GAREM1: variants seen among roughly 807,000 people sequenced by gnomAD.
The protein encoded by GAREM1 is GRB2-associated and regulator of MAPK protein 1.
In GAREM1, 26 loss-of-function variants were observed where a neutral mutation model predicts 71.3. The observed-to-expected ratio is 0.36, with a 90% CI of 0.27 to 0.51. GAREM1 has a LOEUF of 0.51. Among genes scored for constraint, GAREM1 ranks in the 20% least tolerant of loss-of-function variants. GAREM1 has a pLI of 0.95. For missense variants in GAREM1, 1,026 were observed against 1,103.1 expected (o/e 0.93, Z 0.99); for synonymous variants, 440 against 433.2 (o/e 1.02, Z -0.20).
At chr18:32,398,090 G>T (rs911280412) in intron 1 of GAREM1, among the ~76,000 whole-genome samples, 1 of 152,126 alleles carries the variant, frequency 6.6e-6, no homozygotes, top group Non-Finnish European at 1.5e-5. Context: ...AATGAAGGCA[G>T]AAATAAAGAT....
chr18:32,381,877 T>C (rs1413614444), intron 2 of GAREM1, among the ~76,000 whole-genome samples: 1 of 152,210 alleles, frequency 6.6e-6, no homozygotes, highest in East Asian at 1.9e-4. Flanking sequence ...CCTGGTACTT[T>C]ATCTAGAACG....
At chr18:32,378,038 G>A (rs1172163459) in intron 2 of GAREM1, among the ~76,000 whole-genome samples, 10 of 148,286 alleles carry the variant, frequency 6.7e-5, no homozygotes, top group Non-Finnish European at 1.5e-4. Context: ...GTGTGTGTGT[G>A]TGTGTGTGTG....
intron 2 of GAREM1, among the ~76,000 whole-genome samples, chr18:32,375,297 G>A (rs2048021600): frequency 1.3e-5 from 2 of 152,230 alleles, no homozygotes; most frequent in Non-Finnish European, 2.9e-5. Context: ...CCTCTCCATA[G>A]CGACCCTGGA....
chr18:32,315,437 A>ATAAATATATATAAAGTATATATAT (rs1567961431), intron 2 of GAREM1, among the ~76,000 whole-genome samples: 3 of 146,320 alleles, frequency 2.1e-5, no homozygotes, highest in African/African-American at 7.4e-5. Context: ...AGTATATATA[A>ATAAATATATATAAAGTATATATAT]AAAAATATAT....
At chr18:32,348,940 A>C (rs912768527) in intron 2 of GAREM1, among the ~76,000 whole-genome samples, 1 of 152,246 alleles carries the variant, frequency 6.6e-6, no homozygotes, top group African/African-American at 2.4e-5. Context: ...GGCATTTACA[A>C]AGAATTCTGA....
chr18:32,451,108 C>T (rs2048834052), intron 1 of GAREM1, among the ~76,000 whole-genome samples: 1 of 152,090 alleles, frequency 6.6e-6, no homozygotes, highest in African/African-American at 2.4e-5. Flanking sequence ...CATGATGGTG[C>T]CACTGCACTC....
chr18:32,349,537 C>A (rs2047727971), intron 2 of GAREM1, among the ~76,000 whole-genome samples: 1 of 151,924 alleles, frequency 6.6e-6, no homozygotes, highest in Non-Finnish European at 1.5e-5. Context: ...GTATTACTTC[C>A]CCCAAAATAG....
chr18:32,382,038 G>A (rs2048102790), intron 2 of GAREM1, among the ~76,000 whole-genome samples: 1 of 152,172 alleles, frequency 6.6e-6, no homozygotes, highest in Admixed American at 6.5e-5. Flanking sequence ...TGCCTGACTG[G>A]AGGGAATTAA....
chr18:32,421,824 C>G (rs754358144), intron 1 of GAREM1, among the ~76,000 whole-genome samples: 1 of 151,946 alleles, frequency 6.6e-6, no homozygotes, highest in Non-Finnish European at 1.5e-5. Flanking sequence ...CTCCCAAATC[C>G]ACACAAAACC....
rs954995996 is a variant in GAREM1, at chr18:32,358,965, A to C, written c.262+33930T>G. Reference sequence around the variant, plus strand: ...TTAAACCAAGTGCTGGGTCCTGTTCACTGCACGGGATGCTCACCTGTGAAC... The same window carrying C: ...TTAAACCAAGTGCTGGGTCCTGTTCCCTGCACGGGATGCTCACCTGTGAAC... On this transcript the variant is annotated intron_variant, in intron 2 of 5. Coordinates refer to ENST00000269209, the MANE Select transcript of GAREM1 (RefSeq NM_001242409.2). Among the ~76,000 whole-genome samples, 10 of 152,188 alleles carry C rather than the reference A, an allele frequency of 6.6e-5. 1 individual carries two copies. The highest frequency in any genetic ancestry group is 6.5e-4 in the Admixed American group (10 of 15,282).
intron 2 of GAREM1, among the ~76,000 whole-genome samples, chr18:32,336,888 T>C (rs1340617446): frequency 6.6e-6 from 1 of 152,204 alleles, no homozygotes; most frequent in Non-Finnish European, 1.5e-5. Flanking sequence ...CCTTCCTGAC[T>C]TCACAGGTTG....
chr18:32,433,854 A>G (rs960126558), intron 1 of GAREM1, among the ~76,000 whole-genome samples: 5 of 152,184 alleles, frequency 3.3e-5, no homozygotes, highest in Admixed American at 2.0e-4. Context: ...TATAGTTAAG[A>G]CATCAGTCAG....
intron 3 of GAREM1, among the ~76,000 whole-genome samples, chr18:32,298,077 T>C (rs545175683): frequency 6.6e-6 from 1 of 152,338 alleles, no homozygotes; most frequent in East Asian, 1.9e-4. Flanking sequence ...TTCTCCTTAC[T>C]AAATGTCACT....
intron 2 of GAREM1, among the ~76,000 whole-genome samples, chr18:32,376,091 T>C (rs948765920): frequency 3.9e-5 from 6 of 152,242 alleles, no homozygotes; most frequent in Admixed American, 3.9e-4. Flanking sequence ...GATTAATAAT[T>C]TCCAGAGGAA....
intron 1 of GAREM1, among the ~76,000 whole-genome samples, chr18:32,450,821 T>A (rs1043049954): frequency 6.6e-6 from 1 of 152,042 alleles, no homozygotes; most frequent in African/African-American, 2.4e-5. Flanking sequence ...ACAAGGTGCA[T>A]CACTTCTGAA....
intron 2 of GAREM1, among the ~76,000 whole-genome samples, chr18:32,373,136 T>A (rs76531138): frequency 0.14 from 22,058 of 152,202 alleles, 2,465 homozygotes; most frequent in African/African-American, 0.31. Context: ...AAATATCTAA[T>A]TTTTTATTTT....
intron 1 of GAREM1, among the ~76,000 whole-genome samples, chr18:32,468,960 T>TCCCCCCCCCCCCCCCCCCCCCCC (rs34977174): frequency 1.2e-4 from 10 of 82,158 alleles, no homozygotes; most frequent in African/African-American, 2.0e-4. Flanking sequence ...CACCTGTGCG[T>TCCCCCCCCCCCCCCCCCCCCCCC]CCCCCCCCCC....
At chr18:32,293,144 GACACAC>G (rs533565242) in intron 3 of GAREM1, among the ~76,000 whole-genome samples, 1 of 150,448 alleles carries the variant, frequency 6.6e-6, no homozygotes, top group Non-Finnish European at 1.5e-5. Flanking sequence ...TAGACACACA[GACACAC>G]ACACACACAC....
intron 2 of GAREM1, among the ~76,000 whole-genome samples, chr18:32,364,030 T>TTTG (rs2047904120): frequency 1.2e-4 from 3 of 24,956 alleles, no homozygotes; most frequent in African/African-American, 4.0e-4. Flanking sequence ...ATATATATGT[T>TTTG]TTTTTTTTTT....
Sources: gnomAD v4.1 joint callset for allele counts (sites outside exome capture counted in the v4.1 genomes callset) on GRCh38, gnomAD v4.1.1 for gene constraint, MANE v1.5 for transcripts, NCBI Gene and HGNC (gene_info 2026-07-23, HGNC 2026-07-21) for gene names.